SPMIP10: variants seen among roughly 807,000 people sequenced by gnomAD.
The protein encoded by SPMIP10 is sperm microtubule inner protein 10.
chr5:126,636,168 T>C, the SPMIP10 span: 1 of 1,614,022 alleles, frequency 6.2e-7, no homozygotes, highest in African/African-American at 1.3e-5. Context: ...ATTGCAGATA[T>C]GCCTTTGCAT....
the SPMIP10 span, among the ~76,000 whole-genome samples, chr5:126,634,169 T>G: frequency 1.3e-5 from 2 of 152,202 alleles, no homozygotes; most frequent in Admixed American, 6.5e-5. Flanking sequence ...TGGTGGCTCA[T>G]GCCTGTGATC....
At chr5:126,636,061 C>T in the SPMIP10 span, 1 of 1,613,802 alleles carries the variant, frequency 6.2e-7, no homozygotes, top group African/African-American at 1.3e-5. Flanking sequence ...TCCATACTGG[C>T]CCTTTAGAAG....
At chr5:126,633,717 A>G in the SPMIP10 span, among the ~76,000 whole-genome samples, 1 of 152,056 alleles carries the variant, frequency 6.6e-6, no homozygotes, top group African/African-American at 2.4e-5. Flanking sequence ...CAGGAGTGCA[A>G]TGATGCAATC....
At chr5:126,635,399 A>G in the SPMIP10 span, among the ~76,000 whole-genome samples, 1,275 of 152,224 alleles carry the variant, frequency 8.4e-3, 6 homozygotes, top group Non-Finnish European at 0.014. Flanking sequence ...TTTCATTCAC[A>G]TATATTTTAT....
the SPMIP10 span, among the ~76,000 whole-genome samples, chr5:126,632,349 T>C: frequency 6.8e-6 from 1 of 147,902 alleles, no homozygotes; most frequent in African/African-American, 2.5e-5. Flanking sequence ...GAATTACAGA[T>C]ACCTGGCCCT....
chr5:126,635,295 A>C, the SPMIP10 span, among the ~76,000 whole-genome samples: 1 of 151,996 alleles, frequency 6.6e-6, no homozygotes. Context: ...TATTTAAGTT[A>C]ATAACTTCAA....
At chr5:126,633,442 C>G in the SPMIP10 span, among the ~76,000 whole-genome samples, 1 of 152,038 alleles carries the variant, frequency 6.6e-6, no homozygotes, top group Non-Finnish European at 1.5e-5. Context: ...CTCACTGCAG[C>G]CTCATCTGCT....
At chr5:126,631,946 G>A in the SPMIP10 span, 1 of 634,938 alleles carries the variant, frequency 1.6e-6, no homozygotes, top group Non-Finnish European at 2.8e-6. Context: ...GTTCCAGAGG[G>A]AAATATGTGT....
the SPMIP10 span, among the ~76,000 whole-genome samples, chr5:126,633,877 C>A: frequency 1.3e-5 from 2 of 151,884 alleles, no homozygotes; most frequent in Admixed American, 6.6e-5. Flanking sequence ...GTGGTCCAGG[C>A]TGGTCTCCTG....
At chr5:126,634,082 C>G in the SPMIP10 span, among the ~76,000 whole-genome samples, 16 of 152,172 alleles carry the variant, frequency 1.1e-4, no homozygotes, top group Non-Finnish European at 2.2e-4. Context: ...TCAGCAATTC[C>G]ACTTCTAAGT....
At chr5:126,632,292 A>T in the SPMIP10 span, among the ~76,000 whole-genome samples, 14 of 145,596 alleles carry the variant, frequency 9.6e-5, no homozygotes, top group Non-Finnish European at 1.5e-4. Context: ...AAAAAGTCAG[A>T]TTAAAATGGA....
the SPMIP10 span, among the ~76,000 whole-genome samples, chr5:126,635,418 C>G: frequency 2.0e-5 from 3 of 152,104 alleles, no homozygotes; most frequent in Non-Finnish European, 4.4e-5. Context: ...ATCTGCTACT[C>G]AAAGAATCCT....
the SPMIP10 span, among the ~76,000 whole-genome samples, chr5:126,634,802 T>G: frequency 6.6e-6 from 1 of 152,192 alleles, no homozygotes; most frequent in South Asian, 2.1e-4. Context: ...AAATGCTAAC[T>G]TATGCTTTCC....
At chr5:126,634,613 A>G in the SPMIP10 span, among the ~76,000 whole-genome samples, 1 of 152,322 alleles carries the variant, frequency 6.6e-6, no homozygotes, top group Admixed American at 6.5e-5. Context: ...ATCAGTAAAG[A>G]AAAACTTTGT....
At chr5:126,635,171 A>AATATATATATATATATATATATATAT in the SPMIP10 span, among the ~76,000 whole-genome samples, 10 of 140,198 alleles carry the variant, frequency 7.1e-5, no homozygotes, top group East Asian at 1.6e-3. Context: ...CCGTCTGTGA[A>AATATATATATATATATATATATATAT]ATATATATAT....
the SPMIP10 span, chr5:126,632,691 AAAAC>A: frequency 8.2e-4 from 1,021 of 1,248,870 alleles, 5 homozygotes; most frequent in Middle Eastern, 0.015. Flanking sequence ...AAAAAAAACA[AAAAC>A]AAAAACATTA....
chr5:126,632,522 T>A, the SPMIP10 span: 2 of 1,303,950 alleles, frequency 1.5e-6, no homozygotes, highest in Non-Finnish European at 2.2e-6. Flanking sequence ...TCACAAGATG[T>A]CTTCTTGCTT....
At chr5:126,635,473 G>A in the SPMIP10 span, among the ~76,000 whole-genome samples, 1 of 152,028 alleles carries the variant, frequency 6.6e-6, no homozygotes, top group Non-Finnish European at 1.5e-5. Context: ...TCTTCTGGGA[G>A]TAAATGACTT....
At chr5:126,632,558 T>C in the SPMIP10 span, 5 of 1,597,898 alleles carry the variant, frequency 3.1e-6, no homozygotes, top group Non-Finnish European at 4.3e-6. Flanking sequence ...ATGAAGAGAT[T>C]CATTTGCCAC....
Sources: gnomAD v4.1 joint callset for allele counts (sites outside exome capture counted in the v4.1 genomes callset) on GRCh38, gnomAD v4.1.1 for gene constraint, MANE v1.5 for transcripts, NCBI Gene and HGNC (gene_info 2026-07-23, HGNC 2026-07-21) for gene names.